Variants in THRA observed in about 807,000 individuals in gnomAD.
The protein encoded by THRA is thyroid hormone receptor alpha, also known as EAR-7.
In THRA, 13 loss-of-function variants were observed where a neutral mutation model predicts 45.0. The ratio of observed to expected loss-of-function variants is 0.29; its 90% CI spans 0.19 to 0.46. The LOEUF (loss-of-function observed/expected upper bound fraction) is 0.46. Ranked by LOEUF, THRA falls within the 20% of genes least tolerant of loss-of-function variation. The pLI is 1.00. For missense variants in THRA, 278 were observed against 556.1 expected, an observed-to-expected ratio of 0.50 and a Z score of 5.03; for synonymous variants, 195 against 214.0, an observed-to-expected ratio of 0.91 and a Z score of 0.78.
chr17:40,089,393 C>T lies in THRA; in HGVS notation c.1170C>T (p.Val390=), dbSNP rs747804266. The T allele has an allele frequency of 2.5e-6, 4 of 1,614,050 alleles. No individual in the cohort carries two copies. Among genetic ancestry groups the T allele is most frequent in the African/African-American group, 2.7e-5 (2 of 74,916 alleles). The change falls in exon 9 of 9, where the codon GTC becomes GTT. Residue 390 remains valine, a synonymous_variant. Transcript: ENST00000450525. This position sits in a 1 kb window ranked among gnomAD's most constrained non-coding sequence, Gnocchi z 6.1. ...CCAGCCGCTTCCTCCACATGAAAGT[C>T]GAGTGCCCCACCGAACTCTTCCCCC... The part of the protein sequence containing the change: ...CHASRFLHMK[V]ECPTELFPPL...
downstream of THRA, chr17:40,093,107 C>G: frequency 6.2e-7 from 1 of 1,614,108 alleles, no homozygotes; most frequent in Non-Finnish European, 8.5e-7. The surrounding 1 kb of genome is among the most constrained non-coding windows in gnomAD (Gnocchi z 5.9). Context: ...CCCGGAAGGA[C>G]AGCAGCTTCT....
chr17:40,093,190 A>C (rs1223195872), downstream of THRA: 1 of 1,613,742 alleles, frequency 6.2e-7, no homozygotes, highest in African/African-American at 1.3e-5. This position sits in a 1 kb window ranked among gnomAD's most constrained non-coding sequence, Gnocchi z 5.9. Context: ...GAAGTCTCCA[A>C]GGGCCGGTTC....
chr17:40,084,437 A>C, intron 5 of THRA, 173 bp from the exon 6 acceptor site: 1 of 678,064 alleles, frequency 1.5e-6, no homozygotes, highest in Non-Finnish European at 2.6e-6. Context: ...GGTCCCGGGG[A>C]TTAATCATGA....
At position 40,084,775 on chromosome 17, in the gene THRA, A is replaced by G. The variant is rs141907695; in HGVS notation, c.536A>G (p.Asn179Ser). Residue 179 changes from asparagine to serine, a missense_variant, in exon 6 of 9, where the codon AAT becomes AGT. Coordinates refer to ENST00000450525, the MANE Select transcript of THRA (RefSeq NM_199334.5). Reference sequence around the variant, plus strand: ...GCCACAGAGGCCCATCGCAGCACCAATGCCCAGGGCAGCCATTGGAAACAG... The same window carrying G: ...GCCACAGAGGCCCATCGCAGCACCAGTGCCCAGGGCAGCCATTGGAAACAG... ...HIATEAHRST[N>S]AQGSHWKQRR... 1.2e-6 allele frequency: 2 copies of G among 1,614,054 alleles called. No individual in the cohort carries two copies. The highest frequency in any genetic ancestry group is 1.7e-4 in the Middle Eastern group (1 of 5,994).
chr17:40,093,270 A>G, downstream of THRA: 1 of 1,613,708 alleles, frequency 6.2e-7, no homozygotes, highest in Non-Finnish European at 8.5e-7. This position sits in a 1 kb window ranked among gnomAD's most constrained non-coding sequence, Gnocchi z 5.9. Flanking sequence ...GGAATTCTCC[A>G]TGCCCGAGCG....
chr17:40,071,719 G>A (rs1337401664), intron 1 of THRA, among the ~76,000 whole-genome samples: 2 of 152,198 alleles, frequency 1.3e-5, no homozygotes, highest in Non-Finnish European at 2.9e-5. Context: ...CCTTCAGGGT[G>A]GGTACCCCTG....
At chr17:40,069,733 G>A (rs2145046666) in intron 1 of THRA, among the ~76,000 whole-genome samples, 1 of 152,198 alleles carries the variant, frequency 6.6e-6, no homozygotes, top group Non-Finnish European at 1.5e-5. Flanking sequence ...CTGATAAGGA[G>A]GGGCTGAGTT....
Position 40,076,939 on chromosome 17 carries a change from G to A in THRA, c.121+1G>A. 1 of 1,614,026 alleles carries A rather than the reference G, an allele frequency of 6.2e-7. No homozygotes were observed. Among genetic ancestry groups the A allele is most frequent in the Non-Finnish European group, 8.5e-7 (1 of 1,179,934 alleles). On this transcript the variant is annotated splice_donor_variant, in intron 3 of 8. Transcript: ENST00000450525. LOFTEE classifies it high-confidence loss of function. ...TGTTCCCTGAAAACCAGCATGTCAG[G>A]TGAGGCTGGCTGTGCGTGCCCCTTC... is the stretch of plus-strand genomic sequence containing the variant.
At position 40,091,652 on chromosome 17, in the gene THRA, C is replaced by A. The variant is rs75248071; in HGVS notation, c.*2196C>A. On this transcript the variant is annotated 3_prime_UTR_variant, in exon 9 of 9. Coordinates refer to ENST00000450525, the MANE Select transcript of THRA (RefSeq NM_199334.5). Reference sequence around the variant, plus strand: ...ACGGCAGAGAAAAGGCCTTGAAGAGCCTTAGCCTCTTATAGGCACTTGGGA... The same window carrying A: ...ACGGCAGAGAAAAGGCCTTGAAGAGACTTAGCCTCTTATAGGCACTTGGGA... The A allele has an allele frequency of 0.09, 13,605 of 151,692 alleles. 706 individuals carry two copies. Among genetic ancestry groups the A allele is most frequent in the South Asian group, 0.12 (556 of 4,796 alleles). 9.4% of individuals were successfully genotyped at this position (151,692 alleles called of 1,614,324 possible). A position where few individuals can be genotyped will look rare whatever the true frequency, so the allele number is the denominator to read the frequency against.
chr17:40,081,842 A>T (rs899435057), intron 4 of THRA, among the ~76,000 whole-genome samples: 1 of 152,034 alleles, frequency 6.6e-6, no homozygotes, highest in African/African-American at 2.4e-5. Context: ...GGGCACCTGT[A>T]GTCCCAGCTA....
At position 40,089,967 on chromosome 17, in the gene THRA, T is replaced by G. The variant is rs1276308404; in HGVS notation, c.*511T>G. On this transcript the variant is annotated 3_prime_UTR_variant, in exon 9 of 9. Coordinates refer to ENST00000450525, the MANE Select transcript of THRA (RefSeq NM_199334.5). The surrounding 1 kb of genome is among the most constrained non-coding windows in gnomAD (Gnocchi z 6.1). Reference sequence around the variant, plus strand: ...GGCTCCTCCTCTGGAGGTTAAAATTTATAGTCATTCTAACTGCACTTTGGA... The same window carrying G: ...GGCTCCTCCTCTGGAGGTTAAAATTGATAGTCATTCTAACTGCACTTTGGA... 2 of 990,248 alleles carry G rather than the reference T, an allele frequency of 2.0e-6. No individual in the cohort carries two copies. The highest frequency in any genetic ancestry group is 5.9e-5 in the Admixed American group (1 of 16,868). 61.3% of individuals were successfully genotyped at this position (990,248 alleles called of 1,614,324 possible).
chr17:40,080,129 G>A (rs1012297509), intron 4 of THRA, among the ~76,000 whole-genome samples: 38 of 152,030 alleles, frequency 2.5e-4, no homozygotes, highest in African/African-American at 8.4e-4. Flanking sequence ...GCCAGGTATA[G>A]TAGCTCACGC....
chr17:40,085,945 C>T (rs1392385503), intron 6 of THRA, among the ~76,000 whole-genome samples: 1 of 152,166 alleles, frequency 6.6e-6, no homozygotes, highest in African/African-American at 2.4e-5. Context: ...CCCGGCCTCT[C>T]TACGAATAAT....
intron 1 of THRA, among the ~76,000 whole-genome samples, chr17:40,073,641 G>A (rs1004700828): frequency 1.3e-5 from 2 of 152,156 alleles, no homozygotes; most frequent in African/African-American, 2.4e-5. Flanking sequence ...CAGAGTTGGG[G>A]ATCATAACTT....
rs71152640 is a variant in THRA, at chr17:40,091,231, TACACACAC to T, written c.*1808_*1815del. 313 of 142,358 alleles carry T rather than the reference TACACACAC, an allele frequency of 2.2e-3. No individual in the cohort carries two copies. Among genetic ancestry groups the T allele is most frequent in the South Asian group, 3.9e-3 (17 of 4,318 alleles). The allele number at this position is 142,358 out of a possible 1,614,324, so 8.8% of individuals were successfully genotyped here. On this transcript the variant is annotated 3_prime_UTR_variant, in exon 9 of 9. Transcript: ENST00000450525. Reference sequence around the variant, plus strand: ...TGACCCTCAGCCTGCCACAGCCCCCTACACACACACACACACACACACACACACACACA... The same window carrying T: ...TGACCCTCAGCCTGCCACAGCCCCCTACACACACACACACACACACACACA...
rs199530759 is a variant in THRA at position 40,076,870 on chromosome 17, G to A, written c.54-1G>A. ...ATTCTGCCCACTTTGCCTCCATCCA[G>A]TGCCAGGTCACCAGATGGAAAGCGA... On this transcript the variant is annotated splice_acceptor_variant, in intron 2 of 8. Transcript: ENST00000450525. LOFTEE classifies it high-confidence loss of function. 83 of 1,614,024 alleles carry A rather than the reference G, an allele frequency of 5.1e-5. No individual in the cohort carries two copies. Among genetic ancestry groups the A allele is most frequent in the Admixed American group, 1.0e-4 (6 of 60,004 alleles).
chr17:40,089,555 C>G lies in THRA; in HGVS notation c.*99C>G. ...AGGGAGACCCCCCCACACCCCTTCT[C>G]TCCTTCCTCTCGTCCTTGGATAGAT... On this transcript the variant is annotated 3_prime_UTR_variant, in exon 9 of 9. Coordinates refer to ENST00000450525, the MANE Select transcript of THRA (RefSeq NM_199334.5). This position sits in a 1 kb window ranked among gnomAD's most constrained non-coding sequence, Gnocchi z 6.1. The G allele has an allele frequency of 6.7e-7, 1 of 1,493,356 alleles. No homozygotes were observed. The highest frequency in any genetic ancestry group is 8.9e-7 in the Non-Finnish European group (1 of 1,124,850). The allele number at this position is 1,493,356 out of a possible 1,614,324, so 92.5% of individuals were successfully genotyped here.
chr17:40,072,366 CT>C (rs759403912), intron 1 of THRA, among the ~76,000 whole-genome samples: 38 of 152,314 alleles, frequency 2.5e-4, no homozygotes, highest in Non-Finnish European at 4.0e-4. Flanking sequence ...GGGGCTGCCC[CT>C]CTCTCAGCAT....
chr17:40,066,905 A>G (rs1986594970), intron 1 of THRA, among the ~76,000 whole-genome samples: 1 of 152,216 alleles, frequency 6.6e-6, no homozygotes, highest in Non-Finnish European at 1.5e-5. Context: ...TACCTCATTT[A>G]GCTTTTTTGA....
Sources: allele counts gnomAD v4.1 joint callset (sites outside exome capture counted in the v4.1 genomes callset), GRCh38; gene constraint gnomAD v4.1.1; non-coding constraint Gnocchi (gnomAD v3.1); transcripts MANE v1.5; gene names NCBI Gene and HGNC (gene_info 2026-07-23, HGNC 2026-07-21).